The following KLF12 variants were observed in gnomAD, a reference collection of about 807,000 sequenced individuals.
KLF12 encodes the protein KLF transcription factor 12.
KLF12 carries 9 observed loss-of-function variants against 37.8 expected under a neutral mutation model. That is an observed-to-expected ratio of 0.24 (90% CI 0.14 to 0.42). KLF12 has a LOEUF of 0.42. Among genes scored for constraint, KLF12 ranks in the 10% least tolerant of loss-of-function variants. The pLI is 1.00. For missense variants in KLF12, 411 were observed against 516.0 expected (o/e 0.80, Z 1.97); for synonymous variants, 208 against 202.1 (o/e 1.03, Z -0.25).
At chr13:73,880,277 T>C (rs374344020) in intron 3 of KLF12, among the ~76,000 whole-genome samples, 1 of 152,214 alleles carries the variant, frequency 6.6e-6, no homozygotes, top group African/African-American at 2.4e-5. Context: ...GACTTCACTT[T>C]TCCTCTCCAA....
intron 6 of KLF12, among the ~76,000 whole-genome samples, chr13:73,738,050 CGT>C (rs1216505385): frequency 1.1e-5 from 1 of 89,428 alleles, no homozygotes; most frequent in Non-Finnish European, 2.1e-5. Context: ...CACACACATA[CGT>C]GTGTATATAT....
chr13:74,250,539 C>T, the KLF12 span, among the ~76,000 whole-genome samples: 2 of 151,878 alleles, frequency 1.3e-5, no homozygotes, highest in African/African-American at 4.8e-5. Context: ...CTGGAGGCAG[C>T]CTTAGGGAAG....
At chr13:74,226,439 T>C in the KLF12 span, among the ~76,000 whole-genome samples, 48 of 152,288 alleles carry the variant, frequency 3.2e-4, no homozygotes, top group South Asian at 3.3e-3. Context: ...TGCTTGATCT[T>C]GGATGTGTTC....
chr13:73,718,271 A>G lies in KLF12; in HGVS notation c.870-2746T>C, dbSNP rs556622060. Among the ~76,000 whole-genome samples the G allele has an allele frequency of 2.0e-5, 3 of 152,342 alleles. No individual in the cohort carries two copies. In the South Asian group the frequency reaches 6.2e-4, roughly 32 times the overall value. The stretch of plus-strand genomic sequence containing the variant: ...GAAATCAGAATTCAGTCAATAATGA[A>G]TGTTTCTTTAGGGACCAATGAAGTA... On this transcript the variant is annotated intron_variant, in intron 6 of 7. Transcript: ENST00000377669.
the KLF12 span, among the ~76,000 whole-genome samples, chr13:74,233,213 C>T: frequency 2.0e-5 from 3 of 152,104 alleles, no homozygotes; most frequent in African/African-American, 7.2e-5. Context: ...ACACTGTATA[C>T]CTATAACTTT....
At chr13:73,852,369 T>G (rs1010433356) in intron 3 of KLF12, among the ~76,000 whole-genome samples, 26 of 152,226 alleles carry the variant, frequency 1.7e-4, no homozygotes, top group African/African-American at 6.0e-4. Flanking sequence ...AGAAATATCC[T>G]ACACTGATAA....
intron 6 of KLF12, among the ~76,000 whole-genome samples, chr13:73,754,834 A>G (rs1449526035): frequency 6.6e-6 from 1 of 152,204 alleles, no homozygotes; most frequent in Non-Finnish European, 1.5e-5. Flanking sequence ...ACATTACATC[A>G]ATGTCTACTC....
chr13:74,260,553 CTAAAATAAAATAAAA>C, the KLF12 span, among the ~76,000 whole-genome samples: 13 of 101,680 alleles, frequency 1.3e-4, no homozygotes, highest in African/African-American at 7.2e-4. Flanking sequence ...AACACTGTTT[CTAAAATAAAATAAAA>C]TAAAATAAAT....
the KLF12 span, among the ~76,000 whole-genome samples, chr13:74,218,698 G>T: frequency 6.6e-6 from 1 of 152,104 alleles, no homozygotes; most frequent in Non-Finnish European, 1.5e-5. Context: ...TTCAGGGTAG[G>T]CTTCATTAAC....
intron 3 of KLF12, among the ~76,000 whole-genome samples, chr13:73,877,309 C>T (rs1046382730): frequency 5.0e-4 from 76 of 152,280 alleles, no homozygotes; most frequent in African/African-American, 1.6e-3. Context: ...AAAATGTGCA[C>T]GCTTTTATAA....
At chr13:74,122,753 G>A (rs2138987073) in intron 1 of KLF12, among the ~76,000 whole-genome samples, 1 of 151,176 alleles carries the variant, frequency 6.6e-6, no homozygotes, top group East Asian at 1.9e-4. Context: ...AGGCAGCACT[G>A]AACAAAAAAA....
the KLF12 span, among the ~76,000 whole-genome samples, chr13:74,242,241 G>A: frequency 1.3e-5 from 2 of 152,130 alleles, no homozygotes; most frequent in East Asian, 1.9e-4. Context: ...TTTGACATGT[G>A]TATTAGTCTG....
At position 74,093,369 on chromosome 13, in the gene KLF12, G is replaced by A. The variant is rs552168108; in HGVS notation, c.-32+40370C>T. On this transcript the variant is annotated intron_variant, in intron 1 of 7. Coordinates refer to ENST00000377669, the MANE Select transcript of KLF12 (RefSeq NM_007249.5). Reference sequence around the variant, plus strand: ...TTCAAAGCTTCACCCAGAACTTTATGTTAGACAGATCTTTTTCCAGCTCAA... The same window carrying A: ...TTCAAAGCTTCACCCAGAACTTTATATTAGACAGATCTTTTTCCAGCTCAA... Among the ~76,000 whole-genome samples the A allele has an allele frequency of 3.3e-5, 5 of 152,306 alleles. No homozygotes were observed. In the East Asian group the frequency reaches 9.6e-4, roughly 29 times the overall value.
At chr13:74,116,691 A>T (rs1399418861) in intron 1 of KLF12, among the ~76,000 whole-genome samples, 1 of 152,216 alleles carries the variant, frequency 6.6e-6, no homozygotes, top group Non-Finnish European at 1.5e-5. Flanking sequence ...GGAAACTAGG[A>T]TAGAAATTTC....
intron 1 of KLF12, among the ~76,000 whole-genome samples, chr13:74,108,372 ATAT>A (rs1876776976): frequency 1.3e-5 from 2 of 152,128 alleles, no homozygotes; most frequent in Admixed American, 1.3e-4. Context: ...GTTCATTTAC[ATAT>A]TATTTTTCTT....
intron 2 of KLF12, among the ~76,000 whole-genome samples, chr13:73,972,814 G>A (rs1460347737): frequency 6.6e-5 from 10 of 150,766 alleles, no homozygotes. Flanking sequence ...CCGTGTGAGA[G>A]CTGGATTTAT....
intron 6 of KLF12, among the ~76,000 whole-genome samples, chr13:73,725,520 T>A (rs1229895351): frequency 1.3e-5 from 2 of 152,116 alleles, no homozygotes; most frequent in Non-Finnish European, 2.9e-5. Flanking sequence ...GAGAAAACTA[T>A]GTGATAGTCA....
At chr13:74,068,800 G>C (rs903166353) in intron 1 of KLF12, among the ~76,000 whole-genome samples, 1 of 152,030 alleles carries the variant, frequency 6.6e-6, no homozygotes, top group African/African-American at 2.4e-5. Context: ...CAAGTGATCT[G>C]CCCACTTTGA....
chr13:74,053,201 T>C (rs745488032), intron 1 of KLF12, among the ~76,000 whole-genome samples: 15 of 152,224 alleles, frequency 9.9e-5, no homozygotes, highest in Non-Finnish European at 1.8e-4. Flanking sequence ...GCAATTCTAC[T>C]GAATACAGCA....
Sources: gnomAD v4.1 joint callset for allele counts (sites outside exome capture counted in the v4.1 genomes callset) on GRCh38, gnomAD v4.1.1 for gene constraint, MANE v1.5 for transcripts, NCBI Gene and HGNC (gene_info 2026-07-23, HGNC 2026-07-21) for gene names.